Variants in FAM120B observed in about 807,000 individuals in gnomAD.
FAM120B encodes the protein family with sequence similarity 120 member B, also known as constitutive coactivator of peroxisome proliferator-activated receptor gamma.
A neutral mutation model predicts 96.3 loss-of-function variants in FAM120B; 83 were observed. The ratio of observed to expected loss-of-function variants is 0.86; its 90% CI spans 0.72 to 1.03. The LOEUF (loss-of-function observed/expected upper bound fraction) is 1.03, where lower values mean the gene tolerates loss of function less well. Ranked by LOEUF, FAM120B falls within the 50% of genes least tolerant of loss-of-function variation. The pLI is 0.00. For synonymous variants in FAM120B, 407 were observed against 402.7 expected, an observed-to-expected ratio of 1.01 and a Z score of -0.13; for missense variants, 1,027 against 1,121.2, an observed-to-expected ratio of 0.92 and a Z score of 1.20.
intron 5 of FAM120B, among the ~76,000 whole-genome samples, chr6:170,357,750 C>T (rs541461406): frequency 5.3e-5 from 8 of 152,218 alleles, no homozygotes; most frequent in Non-Finnish European, 1.0e-4. Context: ...AGATGTTCTG[C>T]GGAGTTTTGC....
chr6:170,401,832 C>G (rs1778598255), intron 9 of FAM120B, among the ~76,000 whole-genome samples: 1 of 152,268 alleles, frequency 6.6e-6, no homozygotes, highest in South Asian at 2.1e-4. Context: ...TGAAAAAAAT[C>G]TGAAACCTGA....
Position 170,338,776 on chromosome 6 carries a change from A to T in FAM120B, c.2017+8226A>T, listed in dbSNP as rs548556236. Among the ~76,000 whole-genome samples, 8 of 149,946 alleles carry T rather than the reference A, an allele frequency of 5.3e-5. No individual in the cohort carries two copies. The East Asian group carries it at 1.2e-3, about 22-fold the overall frequency. On this transcript the variant is annotated intron_variant, in intron 4 of 10. Coordinates refer to ENST00000476287, the MANE Select transcript of FAM120B (RefSeq NM_032448.3). Reference sequence around the variant, plus strand: ...ATTGATCCCTTTACCATTATGTAATACCGCTTTGTCTTTTTTGATCTTTGT... The same window carrying T: ...ATTGATCCCTTTACCATTATGTAATTCCGCTTTGTCTTTTTTGATCTTTGT...
chr6:170,383,604 C>T (rs1253537162), intron 6 of FAM120B, among the ~76,000 whole-genome samples: 3 of 152,200 alleles, frequency 2.0e-5, no homozygotes, highest in Non-Finnish European at 4.4e-5. Context: ...GATAGCACTA[C>T]ACACGGATTA....
At chr6:170,368,825 G>GC (rs541993199) in intron 6 of FAM120B, among the ~76,000 whole-genome samples, 9 of 136,352 alleles carry the variant, frequency 6.6e-5, no homozygotes, top group African/African-American at 1.3e-4. Flanking sequence ...GGGGCTGGGG[G>GC]GGGGGCTCCC....
intron 4 of FAM120B, among the ~76,000 whole-genome samples, chr6:170,345,759 G>C (rs1307134660): frequency 6.6e-6 from 1 of 152,184 alleles, no homozygotes; most frequent in Non-Finnish European, 1.5e-5. Flanking sequence ...CCATCTCATG[G>C]AGTCTGAACC....
In FAM120B at chr6:170,295,592, G is replaced by A; in HGVS notation, c.48+139G>A. 2 of 549,326 alleles carry A rather than the reference G, an allele frequency of 3.6e-6. No individual in the cohort carries two copies. Among genetic ancestry groups the A allele is most frequent in the Non-Finnish European group, 6.3e-6 (2 of 315,178 alleles). 34.0% of individuals were successfully genotyped at this position (549,326 alleles called of 1,614,324 possible). ...TGGGGGCACAAGAACAGCAGCCGGG[G>A]GCGAAGGAATCAGCCCCGCAGCGGC... On this transcript the variant is annotated intron_variant, in intron 1 of 10. Transcript: ENST00000537664. This position sits in a 1 kb window ranked among gnomAD's most constrained non-coding sequence, Gnocchi z 7.8.
intron 1 of FAM120B, among the ~76,000 whole-genome samples, chr6:170,296,267 G>A (rs971467155): frequency 6.6e-6 from 1 of 152,168 alleles, no homozygotes; most frequent in Non-Finnish European, 1.5e-5. Context: ...GGGAGGGGCT[G>A]TTTTCAGTGC....
At chr6:170,297,366 G>T (rs1784039435) in intron 1 of FAM120B, among the ~76,000 whole-genome samples, 1 of 152,250 alleles carries the variant, frequency 6.6e-6, no homozygotes, top group Admixed American at 6.5e-5. Flanking sequence ...ACAGATGTGG[G>T]CACCTGCGGT....
intron 6 of FAM120B, among the ~76,000 whole-genome samples, chr6:170,384,042 G>A (rs994883763): frequency 6.6e-6 from 1 of 152,194 alleles, no homozygotes; most frequent in Non-Finnish European, 1.5e-5. Context: ...ATCCCAAAAG[G>A]TCACATATTA....
chr6:170,321,917 A>G (rs1157464692), intron 2 of FAM120B, among the ~76,000 whole-genome samples: 1 of 151,812 alleles, frequency 6.6e-6, no homozygotes, highest in Non-Finnish European at 1.5e-5. Context: ...AGACACTCTT[A>G]GGATTCAGAG....
chr6:170,395,635 T>G (rs1204257438), intron 9 of FAM120B, 56 bp downstream of exon 9: 1 of 1,310,812 alleles, frequency 7.6e-7, no homozygotes, highest in East Asian at 2.5e-5. Context: ...GCCTCTCACC[T>G]TGTGCTTTTG....
chr6:170,351,836 C>T (rs762892287), intron 5 of FAM120B, among the ~76,000 whole-genome samples: 2 of 152,214 alleles, frequency 1.3e-5, no homozygotes, highest in Non-Finnish European at 2.9e-5. Context: ...TACAAAAACA[C>T]ACTGAAGTAC....
At chr6:170,311,293 C>A (rs1784575184) in intron 1 of FAM120B, among the ~76,000 whole-genome samples, 1 of 152,242 alleles carries the variant, frequency 6.6e-6, no homozygotes, top group South Asian at 2.1e-4. Flanking sequence ...TTTCATTCAT[C>A]TGGCCCCAAC....
At chr6:170,399,599 G>C (rs1181372794) in intron 9 of FAM120B, among the ~76,000 whole-genome samples, 1 of 150,004 alleles carries the variant, frequency 6.7e-6, no homozygotes, top group South Asian at 2.1e-4. Context: ...AGGAGTGAGT[G>C]AGGAAGGTAG....
chr6:170,302,603 TTCTC>T (rs1257727953), upstream of FAM120B, among the ~76,000 whole-genome samples: 1 of 152,210 alleles, frequency 6.6e-6, no homozygotes, highest in Non-Finnish European at 1.5e-5. Context: ...TTTTCTGGGT[TTCTC>T]TCTCACAGCT....
chr6:170,362,746 A>G (rs1380603986), intron 6 of FAM120B, among the ~76,000 whole-genome samples: 7 of 151,346 alleles, frequency 4.6e-5, no homozygotes, highest in Non-Finnish European at 1.0e-4. Flanking sequence ...CAGTGGTACA[A>G]TCTTGTCTCA....
At chr6:170,292,887 T>C (rs777559583), upstream of FAM120B, among the ~76,000 whole-genome samples, 5 of 152,326 alleles carry the variant, frequency 3.3e-5, no homozygotes, top group Middle Eastern at 6.8e-3. The surrounding 1 kb of genome is among the most constrained non-coding windows in gnomAD (Gnocchi z 6.6). Flanking sequence ...GAAACAAGCA[T>C]ATGATGTTTA....
intron 6 of FAM120B, among the ~76,000 whole-genome samples, chr6:170,360,163 G>T (rs1788245364): frequency 6.6e-6 from 1 of 152,196 alleles, no homozygotes; most frequent in Non-Finnish European, 1.5e-5. Flanking sequence ...TAGCACTGGA[G>T]TCTGAGAGTC....
chr6:170,403,893 C>G (rs891102624), intron 9 of FAM120B, among the ~76,000 whole-genome samples: 1 of 152,122 alleles, frequency 6.6e-6, no homozygotes, highest in Non-Finnish European at 1.5e-5. Context: ...TGCCGGAGCC[C>G]ACACTTTTGG....
Sources: gnomAD v4.1 joint callset for allele counts (sites outside exome capture counted in the v4.1 genomes callset) on GRCh38, gnomAD v4.1.1 for gene constraint, Gnocchi (gnomAD v3.1) non-coding constraint, MANE v1.5 for transcripts, NCBI Gene and HGNC (gene_info 2026-07-23, HGNC 2026-07-21) for gene names.